CLDN14: variants seen among roughly 807,000 people sequenced by gnomAD.
CLDN14 encodes the protein claudin 14.
Under a neutral mutation model 2.1 loss-of-function variants are expected in CLDN14, and 2 were observed. The observed-to-expected ratio is 0.96, with a 90% CI of 0.39 to 3.01. CLDN14 has a LOEUF of 3.01. Ranked by LOEUF, CLDN14 falls within the 30% of genes most tolerant of loss-of-function variation. The probability of loss-of-function intolerance (pLI) is 0.09; values close to 1 mark genes in which losing one functional copy is unlikely to be tolerated. For synonymous variants in CLDN14, 136 were observed against 154.4 expected, an observed-to-expected ratio of 0.88 and a Z score of 0.88; for missense variants, 298 against 328.0, an observed-to-expected ratio of 0.91 and a Z score of 0.71.
intron 1 of CLDN14, among the ~76,000 whole-genome samples, chr21:36,528,120 T>A (rs8127992): frequency 3.3e-5 from 5 of 152,022 alleles, no homozygotes; most frequent in African/African-American, 1.2e-4. Flanking sequence ...GTTTTTCAAC[T>A]TCTCTGTTTG....
At chr21:36,485,853 CTTTTT>C in intron 2 of CLDN14, 1 of 420,232 alleles carries the variant, frequency 2.4e-6, no homozygotes, top group Non-Finnish European at 4.2e-6. Flanking sequence ...GTTCCATTTC[CTTTTT>C]TTTTTTTTTA....
At chr21:36,534,201 A>G (rs2087406100) in intron 1 of CLDN14, among the ~76,000 whole-genome samples, 1 of 152,138 alleles carries the variant, frequency 6.6e-6, no homozygotes, top group Non-Finnish European at 1.5e-5. Flanking sequence ...TCCCGGGTTC[A>G]AGCGATTCTC....
chr21:36,529,536 A>G (rs1047272416), intron 1 of CLDN14, among the ~76,000 whole-genome samples: 1 of 152,136 alleles, frequency 6.6e-6, no homozygotes, highest in East Asian at 1.9e-4. Context: ...GAGGCCTCCC[A>G]AAGTGCTGGG....
chr21:36,570,455 A>G (rs2087701673), intron 1 of CLDN14, among the ~76,000 whole-genome samples: 2 of 152,172 alleles, frequency 1.3e-5, no homozygotes, highest in South Asian at 4.1e-4. Context: ...CCCTTGCCTG[A>G]GAGGAGGGTT....
chr21:36,535,452 C>A (rs2087416722), intron 1 of CLDN14, among the ~76,000 whole-genome samples: 1 of 151,554 alleles, frequency 6.6e-6, no homozygotes, highest in African/African-American at 2.4e-5. Context: ...TTTATAAAGA[C>A]CACATGGTAA....
In CLDN14 at chr21:36,489,952, G is replaced by A. The variant is rs562444591; in HGVS notation, c.-82+20411C>T. On this transcript the variant is annotated intron_variant, in intron 2 of 2. Transcript: ENST00000342108. ...AGCACTGAGCCCTCAACCAGGAGCC[G>A]TTGAATGAACAGGTGTGAATCTCAA... 2.9e-4 allele frequency among the ~76,000 whole-genome samples: 44 copies of A among 152,312 alleles called. 1 individual carries two copies. In the South Asian group the frequency reaches 8.3e-3, roughly 29 times the overall value.
intron 2 of CLDN14, chr21:36,487,077 C>T (rs571489196): frequency 1.7e-5 from 4 of 229,216 alleles, no homozygotes; most frequent in South Asian, 1.2e-4. Context: ...CTCTGCCTCT[C>T]GGGTTCAAGG....
intron 1 of CLDN14, among the ~76,000 whole-genome samples, chr21:36,471,107 A>G (rs2086705132): frequency 6.6e-6 from 1 of 152,142 alleles, no homozygotes; most frequent in Non-Finnish European, 1.5e-5. Context: ...AGTGGCTCAC[A>G]CCTGTAATCT....
intron 1 of CLDN14, among the ~76,000 whole-genome samples, chr21:36,558,980 C>A (rs987115468): frequency 6.6e-6 from 1 of 152,068 alleles, no homozygotes; most frequent in African/African-American, 2.4e-5. Flanking sequence ...CTTTAAAAAT[C>A]TTTGCCTTAC....
At chr21:36,567,351 G>A (rs1342386430) in intron 1 of CLDN14, among the ~76,000 whole-genome samples, 1 of 152,252 alleles carries the variant, frequency 6.6e-6, no homozygotes, top group Admixed American at 6.5e-5. Flanking sequence ...CTTCAATTAA[G>A]AGATAGAGAA....
At chr21:36,536,370 C>T (rs1239294373) in intron 1 of CLDN14, among the ~76,000 whole-genome samples, 1 of 152,204 alleles carries the variant, frequency 6.6e-6, no homozygotes, top group Non-Finnish European at 1.5e-5. Context: ...CGACTGAACT[C>T]ATTTTAAAAA....
At chr21:36,497,960 G>A (rs1157165387) in intron 2 of CLDN14, among the ~76,000 whole-genome samples, 4 of 151,930 alleles carry the variant, frequency 2.6e-5, no homozygotes, top group East Asian at 1.9e-4. Context: ...TTGGCCACTG[G>A]TGGTACAGCA....
Position 36,556,793 on chromosome 21 carries a change from G to C in CLDN14, c.-220+19618C>G, listed in dbSNP as rs372076817. On this transcript the variant is annotated intron_variant, in intron 1 of 2. Coordinates refer to the CLDN14 transcript ENST00000342108. ...ATTCTCTTCTCTCTCTCTATCTTTT[G>C]GTGGTAAGAATATTTAACATGAGAT... Among the ~76,000 whole-genome samples the C allele has an allele frequency of 5.9e-5, 9 of 152,212 alleles. No individual in the cohort carries two copies. The East Asian group carries it at 1.3e-3, about 23-fold the overall frequency.
chr21:36,485,365 T>G (rs183805589), intron 2 of CLDN14, among the ~76,000 whole-genome samples: 84 of 152,132 alleles, frequency 5.5e-4, no homozygotes, highest in Non-Finnish European at 9.3e-4. Flanking sequence ...TGCACCACCA[T>G]GTCTGGCTAA....
chr21:36,519,788 C>T (rs1028393343), intron 1 of CLDN14, among the ~76,000 whole-genome samples: 2 of 152,138 alleles, frequency 1.3e-5, no homozygotes, highest in Non-Finnish European at 2.9e-5. Context: ...GTCTTTCTTG[C>T]TACCAGAGCA....
At chr21:36,469,847 G>GA (rs1244931093) in intron 1 of CLDN14, among the ~76,000 whole-genome samples, 1 of 152,102 alleles carries the variant, frequency 6.6e-6, no homozygotes, top group Non-Finnish European at 1.5e-5. Flanking sequence ...TCAACATTTA[G>GA]AAATGAAATG....
At chr21:36,495,568 ATGCAC>A (rs2087008281) in intron 2 of CLDN14, among the ~76,000 whole-genome samples, 2 of 152,242 alleles carry the variant, frequency 1.3e-5, no homozygotes, top group Non-Finnish European at 2.9e-5. Flanking sequence ...AGGTGCTGCC[ATGCAC>A]ATTCGATCAA....
rs1337798114 is a variant in CLDN14, at chr21:36,559,844, A to G, written c.-220+16567T>C. On this transcript the variant is annotated intron_variant, in intron 1 of 2. Transcript: ENST00000342108. ...TTGTCATATGCTATCAGGAAAATAT[A>G]GGCAATAATTACTAATCAGTTTTTC... Among the ~76,000 whole-genome samples the G allele has an allele frequency of 2.0e-5, 3 of 152,256 alleles. No homozygotes were observed. The East Asian group carries it at 5.8e-4, about 29-fold the overall frequency.
upstream of CLDN14, among the ~76,000 whole-genome samples, chr21:36,484,139 C>A (rs1010833363): frequency 6.6e-6 from 1 of 152,108 alleles, no homozygotes; most frequent in Non-Finnish European, 1.5e-5. Context: ...GGGCCGTTTT[C>A]AAAAAATAGA....
Sources: gnomAD v4.1 joint callset for allele counts (sites outside exome capture counted in the v4.1 genomes callset) on GRCh38, gnomAD v4.1.1 for gene constraint, MANE v1.5 for transcripts, NCBI Gene and HGNC (gene_info 2026-07-23, HGNC 2026-07-21) for gene names.